Variants in MACC1 observed in about 807,000 individuals in gnomAD.
MACC1 encodes metastasis-associated in colon cancer protein 1.
MACC1 carries 79 observed loss-of-function variants against 70.7 expected under a neutral mutation model. The observed-to-expected ratio is 1.12, with a 90% CI of 0.93 to 1.35. MACC1 has a LOEUF of 1.35. Among genes scored for constraint, MACC1 ranks in the 40% most tolerant of loss-of-function variants. The pLI is 0.00. For synonymous variants in MACC1, 361 were observed against 347.2 expected, an observed-to-expected ratio of 1.04 and a Z score of -0.44; for missense variants, 1,106 against 978.1, an observed-to-expected ratio of 1.13 and a Z score of -1.74.
rs1782089942 is a variant in MACC1, at chr7:20,158,586, G to C, written c.1775C>G (p.Ser592Cys). Residue 592 changes from serine (S) to cysteine (C), a missense_variant, in exon 5 of 7, where the codon TCC becomes TGC. Coordinates refer to ENST00000400331, the MANE Select transcript of MACC1 (RefSeq NM_182762.4). ...TCCTACATACCATTCTTTCACTTTG[G>C]ACTGACCAATAGCTTTTACCTTACC... is the stretch of plus-strand genomic sequence containing the variant. ...GEGKVKAIGQ[S>C]KVKEWYVGVL... 1.2e-6 allele frequency: 2 copies of C among 1,613,844 alleles called. No homozygotes were observed. Among genetic ancestry groups the C allele is most frequent in the East Asian group, 2.2e-5 (1 of 44,870 alleles).
intron 1 of MACC1, among the ~76,000 whole-genome samples, chr7:20,171,492 G>A: frequency 6.6e-6 from 1 of 151,608 alleles, no homozygotes; most frequent in Non-Finnish European, 1.5e-5. Flanking sequence ...CTGACCTTGT[G>A]ATCCGCCTGC....
Position 20,159,834 on chromosome 7 carries a change from TC to T in MACC1, c.526del (p.Glu176ArgfsTer8). The T allele has an allele frequency of 6.2e-7, 1 of 1,614,122 alleles. No homozygotes were observed. The highest frequency in any genetic ancestry group is 8.5e-7 in the Non-Finnish European group (1 of 1,180,016). On this transcript the variant is annotated frameshift_variant, in exon 5 of 7. Transcript: ENST00000400331. LOFTEE classifies it high-confidence loss of function. ...HDLEWLKNDR[E>X]AYKMAWLSQR... Reference sequence around the variant, plus strand: ...ACTTAACCAAGCCATTTTATAAGCCTCCCGATCATTTTTAAGCCACTCTAAG... The same window carrying T: ...ACTTAACCAAGCCATTTTATAAGCCTCCGATCATTTTTAAGCCACTCTAAG...
At chr7:20,205,224 G>A (rs1782893987) in intron 1 of MACC1, among the ~76,000 whole-genome samples, 2 of 152,174 alleles carry the variant, frequency 1.3e-5, no homozygotes, top group African/African-American at 2.4e-5. Flanking sequence ...CAGTTGGGAG[G>A]AAAGTAAGTC....
chr7:20,202,866 G>T (rs1044648001), intron 1 of MACC1, among the ~76,000 whole-genome samples: 8 of 152,152 alleles, frequency 5.3e-5, no homozygotes, highest in Non-Finnish European at 7.4e-5. Flanking sequence ...GTTATTCCTA[G>T]TCTAAATTCA....
At position 20,158,358 on chromosome 7, in the gene MACC1, G is replaced by C; in HGVS notation, c.2003C>G (p.Ala668Gly). ...SEKVYDWKVLADVLGYSHLSL... is the reference protein window; with the variant it reads ...SEKVYDWKVLGDVLGYSHLSL... ...CAGATGTGAGTAACCCAGGACATCAGCTAAAACTTTCCAATCATAAACTTT... is the reference window on the plus strand; with the variant it reads ...CAGATGTGAGTAACCCAGGACATCACCTAAAACTTTCCAATCATAAACTTT... The change falls in exon 5 of 7, where the codon GCT becomes GGT. Residue 668 changes from alanine (A) to glycine (G), a missense_variant. Transcript: ENST00000400331. 6.2e-7 allele frequency: 1 copy of C among 1,613,766 alleles called. No individual in the cohort carries two copies. Among genetic ancestry groups the C allele is most frequent in the Middle Eastern group, 1.7e-4 (1 of 6,054 alleles).
chr7:20,143,368 T>TTTG (rs772372306), intron 6 of MACC1, among the ~76,000 whole-genome samples: 4 of 152,098 alleles, frequency 2.6e-5, no homozygotes, highest in Non-Finnish European at 5.9e-5. Context: ...CATTTGGCAA[T>TTTG]TTGTTGTTGT....
In MACC1 at chr7:20,214,809, T is replaced by C. The variant is rs140488360; in HGVS notation, c.-218+2490A>G. On this transcript the variant is annotated intron_variant, in intron 1 of 6. Transcript: ENST00000400331. ...GTAATCTTAATGTTATTGTTATTGA[T>C]TGATCAGTCCATATGTTTCCGAAAA... 4.8e-3 allele frequency among the ~76,000 whole-genome samples: 727 copies of C among 152,334 alleles called. 10 individuals carry two copies. Among genetic ancestry groups the C allele is most frequent in the South Asian group, 0.043 (209 of 4,830 alleles).
chr7:20,165,964 T>A (rs1045846772), intron 2 of MACC1, among the ~76,000 whole-genome samples: 8 of 152,150 alleles, frequency 5.3e-5, no homozygotes, highest in African/African-American at 1.9e-4. Context: ...TCAGAAGATA[T>A]TTTTTGTGAG....
intron 1 of MACC1, among the ~76,000 whole-genome samples, chr7:20,179,678 GT>G (rs113752619): frequency 6.6e-6 from 1 of 151,700 alleles, no homozygotes; most frequent in Non-Finnish European, 1.5e-5. Flanking sequence ...AGGAGTTGTT[GT>G]TTTTTTTGTT....
intron 1 of MACC1, among the ~76,000 whole-genome samples, chr7:20,188,346 C>T (rs895531862): frequency 6.6e-6 from 1 of 152,146 alleles, no homozygotes; most frequent in African/African-American, 2.4e-5. Flanking sequence ...GGTGAGCTGC[C>T]CGTGCTATCA....
intron 1 of MACC1, among the ~76,000 whole-genome samples, chr7:20,206,632 A>G (rs1180729058): frequency 6.6e-6 from 1 of 152,216 alleles, no homozygotes; most frequent in African/African-American, 2.4e-5. Context: ...TTATAGCTAC[A>G]CTGAAGGATT....
intron 1 of MACC1, among the ~76,000 whole-genome samples, chr7:20,181,059 T>G (rs1172371758): frequency 6.7e-6 from 1 of 148,606 alleles, no homozygotes; most frequent in Admixed American, 6.9e-5. Context: ...TACTAAAAAC[T>G]GTTCTAAGGA....
chr7:20,141,014 C>G lies in MACC1; in HGVS notation c.2491G>C (p.Val831Leu), dbSNP rs767205605. ...VTKHWRELTG[V>L]LILVNSLEVL... ...TCCAAAGAATTTACTAGTATTAAAA[C>G]TCCAGTTAATTCTCTCCAGTGTTTA... The change falls in exon 7 of 7, where the codon GTT (valine) becomes CTT (leucine). Residue 831 changes from valine (V) to leucine (L), a missense_variant. Transcript: ENST00000400331. 6.2e-6 allele frequency: 10 copies of G among 1,613,900 alleles called. No individual in the cohort carries two copies. The Admixed American group carries it at 1.7e-4, about 27-fold the overall frequency.
At chr7:20,168,571 G>A (rs776598398) in intron 2 of MACC1, among the ~76,000 whole-genome samples, 1 of 152,122 alleles carries the variant, frequency 6.6e-6, no homozygotes, top group South Asian at 2.1e-4. Flanking sequence ...CAGTATCCTC[G>A]GTCCCACCTT....
chr7:20,156,317 C>A (rs545566894), intron 5 of MACC1, among the ~76,000 whole-genome samples: 105 of 152,272 alleles, frequency 6.9e-4, no homozygotes, highest in African/African-American at 2.5e-3. Context: ...TCCACTAAAG[C>A]TTGGAAGCTC....
At chr7:20,146,656 T>C (rs1328460955) in intron 6 of MACC1, among the ~76,000 whole-genome samples, 2 of 152,234 alleles carry the variant, frequency 1.3e-5, no homozygotes, top group African/African-American at 2.4e-5. Flanking sequence ...GTATCTATTC[T>C]GTGTTTTAAA....
At chr7:20,197,133 G>A (rs1782765919) in intron 1 of MACC1, among the ~76,000 whole-genome samples, 1 of 152,202 alleles carries the variant, frequency 6.6e-6, no homozygotes. Flanking sequence ...AATGTTGGCT[G>A]AAAATTAAAA....
chr7:20,214,618 T>G (rs1167183422), intron 1 of MACC1, among the ~76,000 whole-genome samples: 1 of 152,176 alleles, frequency 6.6e-6, no homozygotes, highest in Non-Finnish European at 1.5e-5. Flanking sequence ...AAGCAGTAAT[T>G]AAATTAAACT....
At chr7:20,209,977 G>C (rs1369541034) in intron 1 of MACC1, among the ~76,000 whole-genome samples, 3 of 152,164 alleles carry the variant, frequency 2.0e-5, no homozygotes, top group African/African-American at 7.2e-5. Flanking sequence ...GCCCTGTGAA[G>C]AGGTGCCTTC....
Sources: allele counts gnomAD v4.1 joint callset (sites outside exome capture counted in the v4.1 genomes callset), GRCh38; gene constraint gnomAD v4.1.1; transcripts MANE v1.5; gene names NCBI Gene and HGNC (gene_info 2026-07-23, HGNC 2026-07-21).